Variants in DACT1 observed in about 807,000 individuals in gnomAD.
The protein encoded by DACT1 is dapper homolog 1.
A neutral mutation model predicts 35.3 loss-of-function variants in DACT1; 19 were observed. The observed-to-expected ratio is 0.54, with a 90% CI of 0.38 to 0.79. The LOEUF (loss-of-function observed/expected upper bound fraction) is 0.79, where lower values mean the gene tolerates loss of function less well. Among genes scored for constraint, DACT1 ranks in the 30% least tolerant of loss-of-function variants. DACT1 has a pLI of 0.00. For synonymous variants in DACT1, 545 were observed against 466.7 expected (o/e 1.17, Z -2.16); for missense variants, 1,143 against 1,057.5 (o/e 1.08, Z -1.12).
At position 58,647,304 on chromosome 14, in the gene DACT1, C is replaced by A; in HGVS notation, c.*170C>A. The A allele has an allele frequency of 1.3e-6, 1 of 747,858 alleles. No homozygotes were observed. Among genetic ancestry groups the A allele is most frequent in the Non-Finnish European group, 2.1e-6 (1 of 466,330 alleles). 46.3% of individuals were successfully genotyped at this position (747,858 alleles called of 1,614,324 possible). On this transcript the variant is annotated 3_prime_UTR_variant, in exon 4 of 4. Coordinates refer to ENST00000395153, the MANE Select transcript of DACT1 (RefSeq NM_001079520.2). ...CATCTTCACGTATGGATGCTAGTGC[C>A]TTTAATGGAAGGTAAAGAATGTTTT...
At position 58,646,487 on chromosome 14, in the gene DACT1, A is replaced by G. The variant is rs1163181466; in HGVS notation, c.1753A>G (p.Lys585Glu). The G allele has an allele frequency of 5.1e-6, 8 of 1,562,566 alleles. No individual in the cohort carries two copies. The highest frequency in any genetic ancestry group is 6.0e-6 in the Non-Finnish European group (7 of 1,159,104). The change falls in exon 4 of 4, where the codon AAG becomes GAG. Residue 585 changes from lysine (K) to glutamate (E), a missense_variant. By Grantham distance (56) the Lys-to-Glu change is moderately conservative. This residue lies in a region of DACT1 where 1,054 missense variants were observed against 958.8 expected (regional missense o/e 1.10). Coordinates refer to ENST00000395153, the MANE Select transcript of DACT1 (RefSeq NM_001079520.2). ...CRFPDDLDTN[K>E]KLKKASSKGR... ...CTTCCCAGATGACTTGGATACAAAT[A>G]AGAAACTCAAGAAAGCCTCCTCCAA...
chr14:58,644,359 T>C (rs76563018), intron 3 of DACT1, among the ~76,000 whole-genome samples: 2,083 of 152,332 alleles, frequency 0.014, 47 homozygotes, highest in African/African-American at 0.046. Flanking sequence ...TTTTAAAATC[T>C]TATCAAGAAT....
upstream of DACT1, among the ~76,000 whole-genome samples, chr14:58,637,703 G>T (rs1452766292): frequency 6.6e-6 from 1 of 152,102 alleles, no homozygotes; most frequent in Non-Finnish European, 1.5e-5. Flanking sequence ...AATGAGGAGC[G>T]AGGGCAAAAT....
rs2047591467 is a variant in DACT1 at position 58,638,193 on chromosome 14, A to C, written c.-10A>C. ...CTGCGGTGACGGCTCTCGCTGCCCGACTGGGGGCCATGAAGCCGAGTCCGG... is the reference window on the plus strand; with the variant it reads ...CTGCGGTGACGGCTCTCGCTGCCCGCCTGGGGGCCATGAAGCCGAGTCCGG... On this transcript the variant is annotated 5_prime_UTR_variant, in exon 1 of 4. Transcript: ENST00000395153. 7.6e-7 allele frequency: 1 copy of C among 1,314,922 alleles called. No homozygotes were observed. The highest frequency in any genetic ancestry group is 9.7e-7 in the Non-Finnish European group (1 of 1,034,452). 81.5% of individuals were successfully genotyped at this position (1,314,922 alleles called of 1,614,324 possible).
At chr14:58,639,000 G>C in intron 1 of DACT1, 1 of 985,758 alleles carries the variant, frequency 1.0e-6, no homozygotes, top group Non-Finnish European at 1.2e-6. Context: ...GGTTTGTGGC[G>C]TGCTTAACTG....
rs780319203 is a variant in DACT1 at position 58,638,526 on chromosome 14, C to A, written c.324C>A (p.Ile108=). 1 of 1,345,064 alleles carries A rather than the reference C, an allele frequency of 7.4e-7. No homozygotes were observed. Among genetic ancestry groups the A allele is most frequent in the South Asian group, 2.5e-5 (1 of 40,150 alleles). 83.3% of individuals were successfully genotyped at this position (1,345,064 alleles called of 1,614,324 possible). The part of the protein sequence containing the change: ...RLEEKFLEEN[I]LLLRKQLNCL... The stretch of plus-strand genomic sequence containing the variant: ...AGGAGAAGTTCTTGGAGGAGAACAT[C>A]TTGCTGCTAAGAAAGCAATTGGTAG... The change falls in exon 1 of 4, where the codon ATC becomes ATA. Residue 108 remains isoleucine (I), a synonymous_variant. Transcript: ENST00000395153.
In DACT1 at chr14:58,646,865, A is replaced by C. The variant is rs2047694776; in HGVS notation, c.2131A>C (p.Asn711His). 1 of 1,614,198 alleles carries C rather than the reference A, an allele frequency of 6.2e-7. No individual in the cohort carries two copies. The highest frequency in any genetic ancestry group is 1.7e-5 in the Admixed American group (1 of 60,028). Residue 711 changes from asparagine (N) to histidine (H), a missense_variant, in exon 4 of 4, where the codon AAT becomes CAT. Asn to His is a moderately conservative substitution (Grantham distance 68). Transcript: ENST00000395153. Reference protein sequence around the residue: ...VVDTSEDEQSNYTTNCFGDSE... With the variant: ...VVDTSEDEQSHYTTNCFGDSE... ...GGACACCAGTGAGGACGAGCAGAGCAATTACACCACCAACTGCTTCGGGGA... is the reference window on the plus strand; with the variant it reads ...GGACACCAGTGAGGACGAGCAGAGCCATTACACCACCAACTGCTTCGGGGA...
At chr14:58,640,909 G>A (rs778617444) in intron 2 of DACT1, 41 bp downstream of exon 2, 32 of 1,611,524 alleles carry the variant, frequency 2.0e-5, no homozygotes, top group Non-Finnish European at 2.6e-5. Flanking sequence ...GCACTCTTGA[G>A]TTGTATCTCA....
chr14:58,639,359 T>G, intron 1 of DACT1: 2 of 727,228 alleles, frequency 2.8e-6, no homozygotes, highest in Non-Finnish European at 3.4e-6. Context: ...CTTAATGTAT[T>G]GATGAACAGC....
chr14:58,646,378 G>T lies in DACT1; in HGVS notation c.1644G>T (p.Lys548Asn). 6.2e-7 allele frequency: 1 copy of T among 1,604,872 alleles called. No individual in the cohort carries two copies. The highest frequency in any genetic ancestry group is 1.8e-5 in the Admixed American group (1 of 56,326). The stretch of plus-strand genomic sequence containing the variant: ...GCGTCGTGAAGAACTCCAGCCTGAA[G>T]CACCGCGGCCCAGCCCTCCAGGGGC... ...NMGVVKNSSLKHRGPALQGLE... is the reference protein window; with the variant it reads ...NMGVVKNSSLNHRGPALQGLE... The change falls in exon 4 of 4, where the codon AAG (lysine) becomes AAT (asparagine). Residue 548 changes from lysine (K) to asparagine (N), a missense_variant. Physicochemically the swap from Lys to Asn is moderately conservative, Grantham distance 94. Transcript: ENST00000395153.
Position 58,646,673 on chromosome 14 carries a change from G to T in DACT1, c.1939G>T (p.Glu647Ter). Residue 647 changes from glutamate (E) to a stop codon, truncating the protein, a stop_gained, in exon 4 of 4, where the codon GAG becomes TAG. Transcript: ENST00000395153. LOFTEE classifies it high-confidence loss of function. Reference sequence around the variant, plus strand: ...CTACCGGCGGTGGAAGTCCTCGGCCGAGATTTCCTACGAAGAGGCCCTGAG... The same window carrying T: ...CTACCGGCGGTGGAAGTCCTCGGCCTAGATTTCCTACGAAGAGGCCCTGAG... ...TDYRRWKSSA[E>*]ISYEEALRRA... is the part of the protein sequence containing the mutation. 1.2e-6 allele frequency: 2 copies of T among 1,612,600 alleles called. No individual in the cohort carries two copies. Among genetic ancestry groups the T allele is most frequent in the South Asian group, 1.1e-5 (1 of 91,068 alleles).
rs868317606 is a variant in DACT1 at position 58,647,829 on chromosome 14, A to C, written c.*695A>C. On this transcript the variant is annotated 3_prime_UTR_variant, in exon 4 of 4. Coordinates refer to ENST00000395153, the MANE Select transcript of DACT1 (RefSeq NM_001079520.2). ...CTAGGGCCGTTTATCCAACATTTAG[A>C]TGCCTTCTTTTCCCTCCCTAATTTG... The C allele has an allele frequency of 6.0e-6, 1 of 167,198 alleles. No individual in the cohort carries two copies. Among genetic ancestry groups the C allele is most frequent in the Middle Eastern group, 3.4e-3 (1 of 296 alleles). The allele number at this position is 167,198 out of a possible 1,614,324, so 10.4% of individuals were successfully genotyped here.
intron 2 of DACT1, among the ~76,000 whole-genome samples, chr14:58,641,244 T>C (rs933537412): frequency 1.3e-5 from 2 of 151,286 alleles, no homozygotes; most frequent in African/African-American, 4.9e-5. Context: ...TTTGGGCTCC[T>C]TAGATTTTTC....
chr14:58,635,910 C>T, upstream of DACT1, among the ~76,000 whole-genome samples: 1 of 152,098 alleles, frequency 6.6e-6, no homozygotes, highest in East Asian at 1.9e-4. Context: ...TAGAAATGAG[C>T]AGAATGAAAC....
intron 3 of DACT1, among the ~76,000 whole-genome samples, chr14:58,643,794 A>G (rs1451932569): frequency 6.6e-6 from 1 of 152,148 alleles, no homozygotes; most frequent in Non-Finnish European, 1.5e-5. Context: ...GCTTTAAGTA[A>G]GGCAAAGATA....
chr14:58,638,611 G>A (rs2047597907), intron 1 of DACT1, 64 bp downstream of exon 1: 3 of 1,280,520 alleles, frequency 2.3e-6, no homozygotes, highest in South Asian at 7.1e-5. Flanking sequence ...CGGGCAGGTG[G>A]CCTGGGGCGG....
Position 58,638,010 on chromosome 14 carries a change from G to A in DACT1, c.-193G>A. On this transcript the variant is annotated 5_prime_UTR_variant, in exon 1 of 4. Transcript: ENST00000395153. ...GAGGGACGCGCGGCGACAGCGGACG[G>A]CGCTGCCCGGGCCGGGACAGCAGCA... The A allele has an allele frequency of 2.4e-6, 1 of 415,636 alleles. No individual in the cohort carries two copies. Among genetic ancestry groups the A allele is most frequent in the Non-Finnish European group, 3.7e-6 (1 of 268,126 alleles). 25.7% of individuals were successfully genotyped at this position (415,636 alleles called of 1,614,324 possible).
At chr14:58,641,497 C>T in intron 2 of DACT1, 95 bp from the exon 3 acceptor site, 1 of 1,391,070 alleles carries the variant, frequency 7.2e-7, no homozygotes, top group Non-Finnish European at 9.8e-7. Flanking sequence ...AACAAAAAAT[C>T]TCCTTTTCCT....
chr14:58,644,605 A>C (rs184863552), intron 3 of DACT1, among the ~76,000 whole-genome samples: 18 of 152,296 alleles, frequency 1.2e-4, no homozygotes, highest in Non-Finnish European at 2.6e-4. Flanking sequence ...TTTTTACTGA[A>C]GTTTGATCAG....
Sources: allele counts gnomAD v4.1 joint callset (sites outside exome capture counted in the v4.1 genomes callset), GRCh38; gene constraint gnomAD v4.1.1; regional missense constraint gnomAD v4.1.1; transcripts MANE v1.5; gene names NCBI Gene and HGNC (gene_info 2026-07-23, HGNC 2026-07-21).